The following ITPKB variants were observed in gnomAD, a reference collection of about 807,000 sequenced individuals.
The protein encoded by ITPKB is IP3 3-kinase B.
In ITPKB, 13 loss-of-function variants were observed where a neutral mutation model predicts 69.4. The ratio of observed to expected loss-of-function variants is 0.19; its 90% CI spans 0.12 to 0.30. The LOEUF is 0.30. Among genes scored for constraint, ITPKB ranks in the 10% least tolerant of loss-of-function variants. The probability of loss-of-function intolerance (pLI) is 1.00; values close to 1 mark genes in which losing one functional copy is unlikely to be tolerated. For synonymous variants in ITPKB, 584 were observed against 513.7 expected (o/e 1.14, Z -1.85); for missense variants, 1,240 against 1,250.5 (o/e 0.99, Z 0.13).
At chr1:226,664,945 C>T (rs1216712232) in intron 2 of ITPKB, among the ~76,000 whole-genome samples, 1 of 152,204 alleles carries the variant, frequency 6.6e-6, no homozygotes. Context: ...ACAGGATAGC[C>T]AGCCAGCAGA....
intron 2 of ITPKB, among the ~76,000 whole-genome samples, chr1:226,734,810 C>T (rs1657696869): frequency 1.3e-5 from 2 of 152,188 alleles, no homozygotes; most frequent in Admixed American, 1.3e-4. Context: ...CATGTACATC[C>T]ATTAGGAGGT....
chr1:226,735,910 C>A lies in ITPKB; in HGVS notation c.1549G>T (p.Gly517Cys). The change falls in exon 2 of 8, where the codon GGT becomes TGT. Residue 517 changes from glycine to cysteine, a missense_variant. By Grantham distance (159) the Gly-to-Cys change is radical (BLOSUM62 -3). This residue lies in a region of ITPKB where 992 missense variants were observed against 853.8 expected (regional missense o/e 1.16). Coordinates refer to ENST00000429204, the MANE Select transcript of ITPKB (RefSeq NM_002221.4). ...RVWQGTMEKA[G>C]LAWTRGTGVQ... ...CCTGTGCCACGCGTCCAAGCCAAAC[C>A]GGCTTTCTCCATGGTGCCCTGCCAA... 6.2e-7 allele frequency: 1 copy of A among 1,613,626 alleles called. No homozygotes were observed. Among genetic ancestry groups the A allele is most frequent in the South Asian group, 1.1e-5 (1 of 91,074 alleles).
At chr1:226,661,314 C>T (rs1669399119) in intron 2 of ITPKB, among the ~76,000 whole-genome samples, 1 of 152,228 alleles carries the variant, frequency 6.6e-6, no homozygotes, top group African/African-American at 2.4e-5. Flanking sequence ...GAGCCAGACA[C>T]AGGGCTGAGT....
intron 2 of ITPKB, among the ~76,000 whole-genome samples, chr1:226,718,557 C>T (rs1657152185): frequency 6.6e-6 from 1 of 152,050 alleles, no homozygotes; most frequent in African/African-American, 2.4e-5. Context: ...GCCATGATTG[C>T]CCCCTGCACC....
At position 226,638,289 on chromosome 1, in the gene ITPKB, A is replaced by G. The variant is rs527827553; in HGVS notation, c.2554-539T>C. On this transcript the variant is annotated intron_variant, in intron 6 of 7. Coordinates refer to ENST00000429204, the MANE Select transcript of ITPKB (RefSeq NM_002221.4). ...CTGCAAGGGACTCAGGAATTGGAGG[A>G]CTTGGGCTACGAAAGAGTCAGGCAC... 3.3e-5 allele frequency among the ~76,000 whole-genome samples: 5 copies of G among 152,268 alleles called. No homozygotes were observed. In the East Asian group the frequency reaches 7.7e-4, roughly 24 times the overall value.
intron 2 of ITPKB, among the ~76,000 whole-genome samples, chr1:226,709,620 G>C (rs1298007282): frequency 6.6e-6 from 1 of 152,176 alleles, no homozygotes; most frequent in Non-Finnish European, 1.5e-5. Context: ...CCTAGGTAAA[G>C]CAGAAGACGT....
chr1:226,713,043 C>G (rs1302699968), intron 2 of ITPKB, among the ~76,000 whole-genome samples: 1 of 152,074 alleles, frequency 6.6e-6, no homozygotes, highest in Non-Finnish European at 1.5e-5. Flanking sequence ...TGCACACTTA[C>G]CCATATACAC....
intron 7 of ITPKB, among the ~76,000 whole-genome samples, chr1:226,635,296 C>T (rs1314277986): frequency 1.3e-5 from 2 of 152,164 alleles, no homozygotes; most frequent in Non-Finnish European, 1.5e-5. Context: ...CCTCAGCTTA[C>T]TGTAGCCTTG....
In ITPKB at chr1:226,633,959, T is replaced by C. The variant is rs1668774242; in HGVS notation, c.*712A>G. On this transcript the variant is annotated 3_prime_UTR_variant, in exon 8 of 8. Coordinates refer to ENST00000429204, the MANE Select transcript of ITPKB (RefSeq NM_002221.4). Reference sequence around the variant, plus strand: ...AGTGGCACAGCTTCTGCTCGCCTCCTCTGGGAAGGCCTAGATCAGAGAACA... The same window carrying C: ...AGTGGCACAGCTTCTGCTCGCCTCCCCTGGGAAGGCCTAGATCAGAGAACA... The C allele has an allele frequency of 6.6e-6, 1 of 152,288 alleles. No individual in the cohort carries two copies. Among genetic ancestry groups the C allele is most frequent in the Admixed American group, 6.5e-5 (1 of 15,280 alleles). The allele number at this position is 152,288 out of a possible 1,614,324, so 9.4% of individuals were successfully genotyped here.
At chr1:226,653,568 A>G (rs984384924) in intron 2 of ITPKB, among the ~76,000 whole-genome samples, 12 of 152,160 alleles carry the variant, frequency 7.9e-5, no homozygotes, top group African/African-American at 2.9e-4. Context: ...CACAAGGTTT[A>G]AGCTCTCCCA....
intron 2 of ITPKB, among the ~76,000 whole-genome samples, chr1:226,731,798 A>G (rs888546074): frequency 6.6e-6 from 1 of 152,148 alleles, no homozygotes; most frequent in Non-Finnish European, 1.5e-5. Context: ...CATGTACCTG[A>G]GAGAAGAAGG....
intron 2 of ITPKB, among the ~76,000 whole-genome samples, chr1:226,684,124 G>C (rs1656147937): frequency 6.6e-6 from 1 of 152,110 alleles, no homozygotes; most frequent in African/African-American, 2.4e-5. Flanking sequence ...CTCCCACCAA[G>C]AATTCTCTCT....
chr1:226,677,091 C>T (rs1287561303), intron 2 of ITPKB, among the ~76,000 whole-genome samples: 1 of 152,224 alleles, frequency 6.6e-6, no homozygotes, highest in Non-Finnish European at 1.5e-5. Flanking sequence ...ATTTGAAACG[C>T]CGTCCTAAGA....
chr1:226,665,210 C>T (rs1483591030), intron 2 of ITPKB, among the ~76,000 whole-genome samples: 1 of 152,238 alleles, frequency 6.6e-6, no homozygotes, highest in East Asian at 1.9e-4. Context: ...ACCTTCTCTT[C>T]CCCTGTCACT....
rs1668741020 is a variant in ITPKB at position 226,632,100 on chromosome 1, A to C, written c.*2571T>G. On this transcript the variant is annotated 3_prime_UTR_variant, in exon 8 of 8. Coordinates refer to ENST00000429204, the MANE Select transcript of ITPKB (RefSeq NM_002221.4). ...TCTGTGCAATTTTAAAACCCAACAA[A>C]ATAAATATAACTTAAAAATGTCTTA... The C allele has an allele frequency of 6.6e-6, 1 of 152,652 alleles. No homozygotes were observed. Among genetic ancestry groups the C allele is most frequent in the African/African-American group, 2.4e-5 (1 of 41,442 alleles). 9.5% of individuals were successfully genotyped at this position (152,652 alleles called of 1,614,324 possible).
intron 2 of ITPKB, among the ~76,000 whole-genome samples, chr1:226,715,567 GAACT>G (rs1657075412): frequency 6.6e-6 from 1 of 152,142 alleles, no homozygotes; most frequent in Non-Finnish European, 1.5e-5. Flanking sequence ...GAATCAAAAT[GAACT>G]AACTACTCAC....
At chr1:226,714,916 C>G (rs1159767433) in intron 2 of ITPKB, among the ~76,000 whole-genome samples, 1 of 152,234 alleles carries the variant, frequency 6.6e-6, no homozygotes, top group East Asian at 1.9e-4. Flanking sequence ...CTGGAGACAT[C>G]TGGTTGTCAC....
At position 226,642,204 on chromosome 1, in the gene ITPKB, G is replaced by T; in HGVS notation, c.2247-79C>A. 8.2e-7 allele frequency: 1 copy of T among 1,222,212 alleles called. No individual in the cohort carries two copies. Among genetic ancestry groups the T allele is most frequent in the Non-Finnish European group, 1.2e-6 (1 of 856,674 alleles). 75.7% of individuals were successfully genotyped at this position (1,222,212 alleles called of 1,614,324 possible). ...GCAGCTCCTTTCCTGCCTGGTGGATGAAGGTTTGGGGCGTGTGTTGCCCAA... is the reference window on the plus strand; with the variant it reads ...GCAGCTCCTTTCCTGCCTGGTGGATTAAGGTTTGGGGCGTGTGTTGCCCAA... On this transcript the variant is annotated intron_variant, in intron 4 of 7. Transcript: ENST00000429204. This position sits in a 1 kb window ranked among gnomAD's most constrained non-coding sequence, Gnocchi z 6.4.
chr1:226,709,897 C>T (rs1162339651), intron 2 of ITPKB, among the ~76,000 whole-genome samples: 2 of 152,168 alleles, frequency 1.3e-5, no homozygotes, highest in African/African-American at 4.8e-5. Context: ...CTGATGAGAG[C>T]AGAGCCTCAT....
Sources: allele counts gnomAD v4.1 joint callset (sites outside exome capture counted in the v4.1 genomes callset), GRCh38; gene constraint gnomAD v4.1.1; regional missense constraint gnomAD v4.1.1; non-coding constraint Gnocchi (gnomAD v3.1); transcripts MANE v1.5; gene names NCBI Gene and HGNC (gene_info 2026-07-23, HGNC 2026-07-21).